ZFAT: variants seen among roughly 807,000 people sequenced by gnomAD.
ZFAT encodes zinc finger protein ZFAT.
A neutral mutation model predicts 117.7 loss-of-function variants in ZFAT; 64 were observed. The ratio of observed to expected loss-of-function variants is 0.54; its 90% CI spans 0.44 to 0.67. The LOEUF (loss-of-function observed/expected upper bound fraction) is 0.67, where lower values mean the gene tolerates loss of function less well. Among genes scored for constraint, ZFAT ranks in the 30% least tolerant of loss-of-function variants. The pLI, the probability that ZFAT is intolerant of heterozygous loss-of-function variation, is 0.00. For synonymous variants in ZFAT, 679 were observed against 615.0 expected (o/e 1.10, Z -1.54); for missense variants, 1,433 against 1,584.5 (o/e 0.90, Z 1.62).
At chr8:134,550,372 T>C (rs1823067104) in intron 11 of ZFAT, among the ~76,000 whole-genome samples, 1 of 141,366 alleles carries the variant, frequency 7.1e-6, no homozygotes. Flanking sequence ...TGCCAGGCCT[T>C]CATATCATTT....
In ZFAT at chr8:134,600,440, G is replaced by A; in HGVS notation, c.2471C>T (p.Ala824Val). Residue 824 changes from alanine (A) to valine (V), a missense_variant, in exon 7 of 16, where the codon GCA becomes GTA. This residue lies in a region of ZFAT where 503 missense variants were observed against 543.4 expected (regional missense o/e 0.93). Coordinates refer to ENST00000377838, the MANE Select transcript of ZFAT (RefSeq NM_020863.4). ...CCGCTTGGGCTTGCTACTTACCAGT[G>A]CTGTGTGAACTTTAAGATGTGCCTG... ...KLQAHLKVHT[A>V]LDKRSYSCPV... 1 of 1,614,042 alleles carries A rather than the reference G, an allele frequency of 6.2e-7. No individual in the cohort carries two copies. Among genetic ancestry groups the A allele is most frequent in the Non-Finnish European group, 8.5e-7 (1 of 1,179,870 alleles).
At chr8:134,517,478 G>A (rs759822700) in intron 13 of ZFAT, among the ~76,000 whole-genome samples, 2 of 152,118 alleles carry the variant, frequency 1.3e-5, no homozygotes, top group Admixed American at 1.3e-4. Flanking sequence ...AAGATGTAAA[G>A]TGCTGCAACA....
At chr8:134,812,719 G>A in the ZFAT span, among the ~76,000 whole-genome samples, 2 of 152,150 alleles carry the variant, frequency 1.3e-5, no homozygotes, top group Admixed American at 1.3e-4. Flanking sequence ...CTGGGCAACA[G>A]AGCAAGACTC....
chr8:134,817,237 C>T, the ZFAT span, among the ~76,000 whole-genome samples: 2 of 151,986 alleles, frequency 1.3e-5, no homozygotes, highest in South Asian at 4.1e-4. Context: ...CAGAGCAAAA[C>T]CAGATAACCT....
At chr8:134,668,582 C>A (rs961685453) in intron 1 of ZFAT, among the ~76,000 whole-genome samples, 13 of 152,190 alleles carry the variant, frequency 8.5e-5, no homozygotes, top group Non-Finnish European at 1.5e-5. Flanking sequence ...GAAAGGACAT[C>A]CACACCAAAA....
intron 3 of ZFAT, among the ~76,000 whole-genome samples, chr8:134,627,724 C>T (rs974558194): frequency 1.3e-5 from 2 of 152,200 alleles, no homozygotes; most frequent in African/African-American, 2.4e-5. Flanking sequence ...CATATTTTCA[C>T]TCAAAAGATA....
At position 134,637,575 on chromosome 8, in the gene ZFAT, G is replaced by A. The variant is rs767185578; in HGVS notation, c.334C>T (p.Pro112Ser). The A allele has an allele frequency of 1.2e-6, 2 of 1,614,220 alleles. No homozygotes were observed. The highest frequency in any genetic ancestry group is 1.7e-6 in the Non-Finnish European group (2 of 1,180,032). The change falls in exon 3 of 16, where the codon CCT (proline) becomes TCT (serine). Residue 112 changes from proline (P) to serine (S), a missense_variant. Physicochemically the swap from Pro to Ser is moderately conservative, Grantham distance 74 (BLOSUM62 -1). This residue lies in a region of ZFAT where 436 missense variants were observed against 482.0 expected (regional missense o/e 0.90). Coordinates refer to ENST00000377838, the MANE Select transcript of ZFAT (RefSeq NM_020863.4). Reference protein sequence around the residue: ...PLAPEEGNSLPPSSLECSKCC... With the variant: ...PLAPEEGNSLSPSSLECSKCC... The stretch of plus-strand genomic sequence containing the variant: ...TTGCTACACTCCAAGCTGCTTGGAG[G>A]CAGGCTGTTCCCTTCCTCCGGAGCC...
At chr8:134,768,564 C>A in the ZFAT span, among the ~76,000 whole-genome samples, 1 of 152,230 alleles carries the variant, frequency 6.6e-6, no homozygotes, top group African/African-American at 2.4e-5. Context: ...CAAGTCATAT[C>A]TTACATGAGT....
chr8:134,610,282 T>C (rs545432408), intron 4 of ZFAT, among the ~76,000 whole-genome samples, 188 bp downstream of exon 4: 11 of 152,306 alleles, frequency 7.2e-5, no homozygotes, highest in Admixed American at 6.5e-4. Context: ...TCACAGCTTC[T>C]CCTCCATCCA....
At chr8:134,612,457 G>A (rs10108102) in intron 3 of ZFAT, among the ~76,000 whole-genome samples, 9,867 of 152,246 alleles carry the variant, frequency 0.065, 1,100 homozygotes, top group African/African-American at 0.22. Context: ...AGATAAAATG[G>A]AGGAGTATTC....
At chr8:134,721,072 C>T in the ZFAT span, among the ~76,000 whole-genome samples, 1 of 152,318 alleles carries the variant, frequency 6.6e-6, no homozygotes, top group African/African-American at 2.4e-5. Flanking sequence ...TGCTGTGGCT[C>T]TATCATCCAC....
chr8:134,821,515 A>G, the ZFAT span, among the ~76,000 whole-genome samples: 2 of 152,062 alleles, frequency 1.3e-5, no homozygotes, highest in Admixed American at 6.5e-5. Flanking sequence ...ATAGATGGGG[A>G]AAGGTCTGTA....
chr8:134,579,956 CAAA>C (rs149153004), intron 10 of ZFAT, among the ~76,000 whole-genome samples: 10 of 115,026 alleles, frequency 8.7e-5, no homozygotes, highest in Non-Finnish European at 7.4e-5. Context: ...ACACAGGGAA[CAAA>C]AAAAAAAAAA....
chr8:134,606,730 A>T (rs942771697), intron 5 of ZFAT, among the ~76,000 whole-genome samples: 1 of 129,638 alleles, frequency 7.7e-6, no homozygotes, highest in Non-Finnish European at 1.6e-5. Flanking sequence ...TCTGTCTCAG[A>T]AAAAAAAAAA....
At chr8:134,637,300 C>T (rs13280730) in intron 3 of ZFAT, among the ~76,000 whole-genome samples, 161 bp downstream of exon 3, 18,187 of 152,216 alleles carry the variant, frequency 0.12, 1,433 homozygotes, top group Non-Finnish European at 0.18. Flanking sequence ...AGACTACTTA[C>T]GGTAATAGTC....
At chr8:134,818,233 T>C in the ZFAT span, among the ~76,000 whole-genome samples, 1 of 152,222 alleles carries the variant, frequency 6.6e-6, no homozygotes, top group East Asian at 1.9e-4. Context: ...TTGCAAATCA[T>C]AAATCTGATA....
intron 1 of ZFAT, among the ~76,000 whole-genome samples, chr8:134,663,387 T>C (rs1832038556): frequency 6.6e-6 from 1 of 152,208 alleles, no homozygotes; most frequent in African/African-American, 2.4e-5. Flanking sequence ...AGATATTATT[T>C]ATGAATAGAT....
chr8:134,752,404 T>TA, the ZFAT span, among the ~76,000 whole-genome samples: 8 of 152,176 alleles, frequency 5.3e-5, no homozygotes, highest in Non-Finnish European at 1.2e-4. Context: ...TTGAACAACT[T>TA]AGAGTTCTTC....
chr8:134,615,745 C>T (rs1363880134), intron 3 of ZFAT, among the ~76,000 whole-genome samples: 1 of 152,252 alleles, frequency 6.6e-6, no homozygotes, highest in Non-Finnish European at 1.5e-5. Context: ...TGGCCTCATG[C>T]AACGTGGATC....
Sources: allele counts gnomAD v4.1 joint callset (sites outside exome capture counted in the v4.1 genomes callset), GRCh38; gene constraint gnomAD v4.1.1; regional missense constraint gnomAD v4.1.1; transcripts MANE v1.5; gene names NCBI Gene and HGNC (gene_info 2026-07-23, HGNC 2026-07-21).